KCNT2: variants seen among roughly 807,000 people sequenced by gnomAD.
KCNT2 encodes potassium channel subfamily T member 2.
A neutral mutation model predicts 153.8 loss-of-function variants in KCNT2; 67 were observed. The observed-to-expected ratio is 0.44, with a 90% confidence interval of 0.36 to 0.53. KCNT2 has a LOEUF of 0.53. Among genes scored for constraint, KCNT2 ranks in the 20% least tolerant of loss-of-function variants. The pLI is 0.00. For missense variants in KCNT2, 975 were observed against 1,354.8 expected, an observed-to-expected ratio of 0.72 and a Z score of 4.40; for synonymous variants, 500 against 458.8, an observed-to-expected ratio of 1.09 and a Z score of -1.15.
At chr1:196,415,711 C>T (rs1365142429) in intron 12 of KCNT2, among the ~76,000 whole-genome samples, 31 of 151,854 alleles carry the variant, frequency 2.0e-4, no homozygotes, top group African/African-American at 6.8e-4. Flanking sequence ...AAAGAGATTC[C>T]AGTCTTTGCC....
intron 1 of KCNT2, among the ~76,000 whole-genome samples, chr1:196,571,273 T>A (rs911343467): frequency 6.6e-6 from 1 of 152,104 alleles, no homozygotes; most frequent in Non-Finnish European, 1.5e-5. Context: ...ATTTACAGTA[T>A]CTGTTGGAAG....
intron 22 of KCNT2, among the ~76,000 whole-genome samples, chr1:196,304,145 C>G (rs931114787): frequency 6.6e-6 from 1 of 152,016 alleles, no homozygotes; most frequent in Non-Finnish European, 1.5e-5. Flanking sequence ...GGGTAAGGCT[C>G]TATAAACATC....
chr1:196,368,897 C>G (rs1024904784), intron 14 of KCNT2, among the ~76,000 whole-genome samples: 1 of 152,110 alleles, frequency 6.6e-6, no homozygotes, highest in East Asian at 1.9e-4. Context: ...AATATCAAAC[C>G]ACTTTTCCTT....
intron 25 of KCNT2, among the ~76,000 whole-genome samples, chr1:196,272,667 G>A (rs1558087851): frequency 6.6e-6 from 1 of 151,892 alleles, no homozygotes; most frequent in Admixed American, 6.6e-5. Flanking sequence ...ACGCCCCAAG[G>A]TGATGTGTAG....
intron 1 of KCNT2, among the ~76,000 whole-genome samples, chr1:196,566,239 C>T (rs561932752): frequency 2.1e-4 from 32 of 151,962 alleles, no homozygotes; most frequent in Middle Eastern, 3.4e-3. Context: ...GAAAAAATGA[C>T]CTTCCTGGCA....
intron 26 of KCNT2, among the ~76,000 whole-genome samples, chr1:196,243,799 A>G (rs960156749): frequency 7.2e-5 from 11 of 152,218 alleles, no homozygotes; most frequent in African/African-American, 2.2e-4. Flanking sequence ...GAAGTCCTGG[A>G]GCTGTGTTGG....
intron 25 of KCNT2, among the ~76,000 whole-genome samples, chr1:196,269,871 G>C (rs1558085160): frequency 6.6e-6 from 1 of 151,958 alleles, no homozygotes; most frequent in Non-Finnish European, 1.5e-5. Flanking sequence ...CAATATTTAA[G>C]GTTTACAATC....
intron 19 of KCNT2, among the ~76,000 whole-genome samples, chr1:196,325,613 AC>A (rs1306373488): frequency 3.9e-5 from 6 of 152,144 alleles, no homozygotes; most frequent in Admixed American, 1.3e-4. Context: ...GTTTTAACAA[AC>A]TTTTATTTCT....
At position 196,246,068 on chromosome 1, in the gene KCNT2, G is replaced by A. The variant is rs548438540; in HGVS notation, c.3212-9998C>T. Among the ~76,000 whole-genome samples the A allele has an allele frequency of 1.9e-4, 29 of 152,140 alleles. No individual in the cohort carries two copies. The South Asian group carries it at 3.5e-3, about 19-fold the overall frequency. On this transcript the variant is annotated intron_variant, in intron 26 of 27. Coordinates refer to ENST00000294725, the MANE Select transcript of KCNT2 (RefSeq NM_198503.5). ...TTTAATAATCAGACTGCAAAAGATCGAGAATAAAGAAAGGATCTGAAAAGT... is the reference window on the plus strand; with the variant it reads ...TTTAATAATCAGACTGCAAAAGATCAAGAATAAAGAAAGGATCTGAAAAGT...
At chr1:196,239,491 A>G (rs568507825) in intron 26 of KCNT2, among the ~76,000 whole-genome samples, 1 of 152,112 alleles carries the variant, frequency 6.6e-6, no homozygotes, top group Admixed American at 6.6e-5. Context: ...TATTTTGCTT[A>G]GAGTAGTTTG....
At chr1:196,390,453 T>G (rs1229568484) in intron 13 of KCNT2, among the ~76,000 whole-genome samples, 1 of 151,504 alleles carries the variant, frequency 6.6e-6, no homozygotes, top group Non-Finnish European at 1.5e-5. Context: ...CAGCTGATTT[T>G]TAAGTCTACA....
At chr1:196,399,031 A>T (rs1286470570) in intron 12 of KCNT2, among the ~76,000 whole-genome samples, 1 of 151,592 alleles carries the variant, frequency 6.6e-6, no homozygotes, top group Admixed American at 6.6e-5. Context: ...TACATATAAT[A>T]ATAACATGCT....
At position 196,430,390 on chromosome 1, in the gene KCNT2, CTCTCTCTCTCTCTCTCTT is replaced by C. The variant is rs1394309477; in HGVS notation, c.639-651_639-634del. ...CCTCACAAGATCGATCTCTCTCTCT[CTCTCTCTCTCTCTCTCTT>C]TCTCTCTCTCTTTCTCTCTCTCTTT... is the stretch of plus-strand genomic sequence containing the variant. On this transcript the variant is annotated intron_variant, in intron 8 of 27. Coordinates refer to ENST00000294725, the MANE Select transcript of KCNT2 (RefSeq NM_198503.5). Among the ~76,000 whole-genome samples, 127 of 150,996 alleles carry C rather than the reference CTCTCTCTCTCTCTCTCTT, an allele frequency of 8.4e-4. 2 individuals are homozygous for C. Among genetic ancestry groups the C allele is most frequent in the Admixed American group, 3.0e-3 (45 of 15,168 alleles).
chr1:196,367,725 T>C (rs1401112742), intron 14 of KCNT2, among the ~76,000 whole-genome samples: 1 of 152,160 alleles, frequency 6.6e-6, no homozygotes, highest in African/African-American at 2.4e-5. Flanking sequence ...AAACCACTCT[T>C]CCCTTGCCTT....
At chr1:196,545,326 T>C (rs1378682593) in intron 1 of KCNT2, among the ~76,000 whole-genome samples, 1 of 152,112 alleles carries the variant, frequency 6.6e-6, no homozygotes, top group Non-Finnish European at 1.5e-5. Flanking sequence ...CACCTTTGTT[T>C]GCTTAGCTCC....
intron 1 of KCNT2, among the ~76,000 whole-genome samples, chr1:196,538,576 G>A (rs1403126169): frequency 6.6e-6 from 1 of 152,128 alleles, no homozygotes; most frequent in South Asian, 2.1e-4. Flanking sequence ...TATGAATCAA[G>A]CATGAGCTCA....
At chr1:196,470,308 A>G (rs1677978448) in intron 5 of KCNT2, among the ~76,000 whole-genome samples, 1 of 152,196 alleles carries the variant, frequency 6.6e-6, no homozygotes, top group Non-Finnish European at 1.5e-5. Flanking sequence ...TAAACTGAAG[A>G]GATCAAAGAA....
intron 26 of KCNT2, chr1:196,257,680 A>T: frequency 1.0e-6 from 1 of 980,290 alleles, no homozygotes. Flanking sequence ...TTATTGAGAC[A>T]GATTGGCACT....
intron 21 of KCNT2, among the ~76,000 whole-genome samples, chr1:196,306,201 A>G (rs1416392106): frequency 6.6e-6 from 1 of 152,060 alleles, no homozygotes; most frequent in Non-Finnish European, 1.5e-5. Context: ...TTTGTTTTTC[A>G]TATGATATGT....
Sources: allele counts gnomAD v4.1 joint callset (sites outside exome capture counted in the v4.1 genomes callset), GRCh38; gene constraint gnomAD v4.1.1; transcripts MANE v1.5; gene names NCBI Gene and HGNC (gene_info 2026-07-23, HGNC 2026-07-21).